SNX24: variants seen among roughly 807,000 people sequenced by gnomAD.
The protein encoded by SNX24 is sorting nexin 24.
A neutral mutation model predicts 28.7 loss-of-function variants in SNX24; 22 were observed. That is an observed-to-expected ratio of 0.77 (90% CI 0.55 to 1.10). SNX24 has a LOEUF of 1.10. Among genes scored for constraint, SNX24 ranks in the 50% least tolerant of loss-of-function variants. The pLI is 0.00. For missense variants in SNX24, 221 were observed against 201.1 expected (o/e 1.10, Z -0.60); for synonymous variants, 69 against 71.5 (o/e 0.96, Z 0.18).
chr5:122,982,023 C>T lies in SNX24; in HGVS notation c.250-17889C>T, dbSNP rs145533108. ...CAGGAAGCGGAAGAGAGTAATGTAA[C>T]GTTCATTCTGTTTGTGCCTTTGTCA... On this transcript the variant is annotated intron_variant, in intron 3 of 6. Coordinates refer to ENST00000261369, the MANE Select transcript of SNX24 (RefSeq NM_014035.4). Among the ~76,000 whole-genome samples, 149 of 152,304 alleles carry T rather than the reference C, an allele frequency of 9.8e-4. 1 individual carries two copies. The highest frequency in any genetic ancestry group is 3.3e-3 in the African/African-American group (137 of 41,564).
intron 3 of SNX24, among the ~76,000 whole-genome samples, chr5:122,964,918 A>G (rs1023265790): frequency 6.6e-5 from 10 of 152,142 alleles, no homozygotes; most frequent in African/African-American, 2.2e-4. Context: ...ATTTTATTTA[A>G]CAGTCTGCTA....
intron 1 of SNX24, among the ~76,000 whole-genome samples, chr5:122,881,994 A>G (rs1346693130): frequency 1.3e-5 from 2 of 150,770 alleles, no homozygotes; most frequent in East Asian, 3.9e-4. Flanking sequence ...TTTTGAGACA[A>G]GGTCCCACTC....
At chr5:123,006,774 C>T (rs940187596) in intron 6 of SNX24, among the ~76,000 whole-genome samples, 10 of 152,210 alleles carry the variant, frequency 6.6e-5, no homozygotes, top group African/African-American at 2.4e-4. Context: ...CCTCTGCCTA[C>T]CCCTAGCCTC....
chr5:122,963,968 C>T (rs1450314876), intron 3 of SNX24, among the ~76,000 whole-genome samples: 8 of 152,036 alleles, frequency 5.3e-5, no homozygotes, highest in South Asian at 2.1e-4. Context: ...CTGGGCCGGG[C>T]GCGATGGCTC....
chr5:122,873,656 C>G (rs1255846859), intron 1 of SNX24, among the ~76,000 whole-genome samples: 1 of 151,940 alleles, frequency 6.6e-6, no homozygotes, highest in Non-Finnish European at 1.5e-5. Flanking sequence ...TTTTTGAAGG[C>G]CTGAATTTTA....
intron 3 of SNX24, among the ~76,000 whole-genome samples, chr5:122,951,406 CT>C (rs1759937435): frequency 6.6e-6 from 1 of 151,524 alleles, no homozygotes; most frequent in Non-Finnish European, 1.5e-5. Context: ...AACACAATTA[CT>C]TTTACATCTA....
At chr5:122,911,018 G>GGTA (rs1757861592) in intron 1 of SNX24, among the ~76,000 whole-genome samples, 1 of 152,198 alleles carries the variant, frequency 6.6e-6, no homozygotes, top group African/African-American at 2.4e-5. Flanking sequence ...GGTATTTGTA[G>GGTA]TTCTAGATCC....
chr5:122,892,047 CA>C (rs1271104564), intron 1 of SNX24, among the ~76,000 whole-genome samples: 2 of 152,094 alleles, frequency 1.3e-5, no homozygotes, highest in Non-Finnish European at 2.9e-5. Flanking sequence ...TTTTTTCCAC[CA>C]ATGATTAATT....
chr5:122,904,243 C>T (rs1175920114), intron 1 of SNX24, among the ~76,000 whole-genome samples: 1 of 151,900 alleles, frequency 6.6e-6, no homozygotes, highest in South Asian at 2.1e-4. Flanking sequence ...AGTGCAATGG[C>T]ACAATCTCGG....
intron 1 of SNX24, among the ~76,000 whole-genome samples, chr5:122,921,614 C>A (rs1212078137): frequency 9.1e-6 from 1 of 110,030 alleles, no homozygotes; most frequent in Non-Finnish European, 1.7e-5. Context: ...ATACATGAAA[C>A]CTAGATGTAA....
intron 6 of SNX24, among the ~76,000 whole-genome samples, chr5:123,004,305 T>C (rs1228889663): frequency 6.6e-6 from 1 of 152,190 alleles, no homozygotes; most frequent in East Asian, 1.9e-4. Flanking sequence ...CCTGGGAAAC[T>C]CAAAACAACT....
downstream of SNX24, among the ~76,000 whole-genome samples, chr5:123,012,676 T>C (rs1762610656): frequency 1.3e-5 from 2 of 152,194 alleles, no homozygotes; most frequent in Non-Finnish European, 1.5e-5. Flanking sequence ...TTTACCACAA[T>C]AAAAACAATA....
At chr5:122,918,567 G>C (rs968979067) in intron 1 of SNX24, among the ~76,000 whole-genome samples, 1 of 152,180 alleles carries the variant, frequency 6.6e-6, no homozygotes, top group African/African-American at 2.4e-5. Context: ...TGTTGAAGCT[G>C]TGGATTAGAA....
chr5:122,916,177 A>G (rs1026649741), intron 1 of SNX24, among the ~76,000 whole-genome samples: 46 of 152,260 alleles, frequency 3.0e-4, no homozygotes, highest in Non-Finnish European at 4.0e-4. Context: ...ATCAGAATTA[A>G]GACAAAACAC....
intron 2 of SNX24, among the ~76,000 whole-genome samples, chr5:122,940,382 A>G (rs982203225): frequency 6.6e-6 from 1 of 152,162 alleles, no homozygotes; most frequent in Admixed American, 6.5e-5. Flanking sequence ...ATCCTTATCC[A>G]TTCTCTGCTG....
At chr5:122,950,264 T>G (rs1236348573) in intron 3 of SNX24, among the ~76,000 whole-genome samples, 1 of 152,224 alleles carries the variant, frequency 6.6e-6, no homozygotes, top group Non-Finnish European at 1.5e-5. Context: ...ATGTTTTAAC[T>G]TGAAGATAAA....
Position 122,888,397 on chromosome 5 carries a change from G to C in SNX24, c.60+42704G>C, listed in dbSNP as rs76603786. Reference sequence around the variant, plus strand: ...CAAGTCTTGGCGCTATTGGTTACTTGTGTGTTGTCTTGGGCATATTATTTA... The same window carrying C: ...CAAGTCTTGGCGCTATTGGTTACTTCTGTGTTGTCTTGGGCATATTATTTA... On this transcript the variant is annotated intron_variant, in intron 1 of 6. Transcript: ENST00000261369. Among the ~76,000 whole-genome samples the C allele has an allele frequency of 5.9e-5, 9 of 152,266 alleles. No homozygotes were observed. The East Asian group carries it at 1.7e-3, about 29-fold the overall frequency.
intron 3 of SNX24, among the ~76,000 whole-genome samples, chr5:122,998,700 A>G (rs1209553893): frequency 6.6e-6 from 1 of 152,166 alleles, no homozygotes; most frequent in Non-Finnish European, 1.5e-5. Context: ...CATTTGTATG[A>G]CCTGAACTGG....
intron 1 of SNX24, among the ~76,000 whole-genome samples, chr5:122,880,298 A>T (rs1444070247): frequency 6.6e-6 from 1 of 152,146 alleles, no homozygotes; most frequent in Non-Finnish European, 1.5e-5. Flanking sequence ...GTCTAATTGC[A>T]TCCCACATTT....
Sources: allele counts gnomAD v4.1 joint callset (sites outside exome capture counted in the v4.1 genomes callset), GRCh38; gene constraint gnomAD v4.1.1; transcripts MANE v1.5; gene names NCBI Gene and HGNC (gene_info 2026-07-23, HGNC 2026-07-21).